C4orf51: variants seen among roughly 807,000 people sequenced by gnomAD.
The protein encoded by C4orf51 is uncharacterized protein C4orf51.
A neutral mutation model predicts 25.2 loss-of-function variants in C4orf51; 25 were observed. That is an observed-to-expected ratio of 0.99 (90% CI 0.72 to 1.39). The LOEUF is 1.39. C4orf51 is among the 40% of genes most tolerant of loss of function. The pLI is 0.00. For missense variants in C4orf51, 252 were observed against 239.6 expected, an observed-to-expected ratio of 1.05 and a Z score of -0.34; for synonymous variants, 100 against 84.5, an observed-to-expected ratio of 1.18 and a Z score of -1.01.
At chr4:145,691,441 G>T (rs1333319009) in intron 1 of C4orf51, among the ~76,000 whole-genome samples, 2 of 152,214 alleles carry the variant, frequency 1.3e-5, no homozygotes, top group East Asian at 3.9e-4. Flanking sequence ...CTTATTACTG[G>T]GTATATATCC....
intron 1 of C4orf51, among the ~76,000 whole-genome samples, chr4:145,693,674 C>CA (rs1173648739): frequency 9.7e-6 from 1 of 103,448 alleles, no homozygotes; most frequent in Admixed American, 9.7e-5. Context: ...TGACCCCCCC[C>CA]ACCTCCCTCC....
chr4:145,704,494 G>T (rs566719957), intron 2 of C4orf51, among the ~76,000 whole-genome samples: 2 of 152,222 alleles, frequency 1.3e-5, no homozygotes, highest in South Asian at 2.1e-4. Flanking sequence ...TTTCCCTATT[G>T]TGTATTCTTG....
chr4:145,683,200 T>C (rs944424285), intron 1 of C4orf51, among the ~76,000 whole-genome samples: 1 of 152,008 alleles, frequency 6.6e-6, no homozygotes, highest in South Asian at 2.1e-4. Context: ...TAACAAAATA[T>C]GTACAAGGTC....
At position 145,761,710 on chromosome 4, in the gene C4orf51, G is replaced by A. The variant is rs1579063512; in HGVS notation, n.167-9278G>A. The A allele has an allele frequency of 1.5e-6, 1 of 652,452 alleles. No individual in the cohort carries two copies. The highest frequency in any genetic ancestry group is 6.8e-5 in the East Asian group (1 of 14,658). The allele number at this position is 652,452 out of a possible 1,614,324, so 40.4% of individuals were successfully genotyped here. A position where few individuals can be genotyped will look rare whatever the true frequency, so the allele number is the denominator to read the frequency against. On this transcript the variant is annotated intron_variant and non_coding_transcript_variant, in intron 1 of 1. Coordinates refer to the C4orf51 transcript ENST00000510096. This position sits in a 1 kb window ranked among gnomAD's most constrained non-coding sequence, Gnocchi z 6.8. ...CACCACCCCCCAGTGTCTGAGGCCT[G>A]GCCTGCCCAGCCCAGCCCAGCCCTG... is the stretch of plus-strand genomic sequence containing the variant.
At chr4:145,737,772 A>G (rs1009294321), downstream of C4orf51, among the ~76,000 whole-genome samples, 2 of 152,242 alleles carry the variant, frequency 1.3e-5, no homozygotes, top group African/African-American at 4.8e-5. Flanking sequence ...TCCTTCGTAG[A>G]TAATCCTCTG....
chr4:145,732,494 T>C lies in C4orf51; in HGVS notation c.543T>C (p.Ser181=), dbSNP rs376283591. Residue 181 remains serine (S), a synonymous_variant, in exon 6 of 6, where the codon TCT becomes TCC. Transcript: ENST00000438731. ...RCDSESKVCS[S]EDSEADRYSD... ...ATTCTGAAAGCAAGGTTTGCTCATC[T>C]GAGGATTCAGAAGCTGATCGATACT... 283 of 1,611,496 alleles carry C rather than the reference T, an allele frequency of 1.8e-4. 1 individual carries two copies. In the African/African-American group the frequency reaches 3.2e-3, roughly 18 times the overall value.
At chr4:145,744,093 C>G (rs1733236377) in intron 1 of C4orf51, among the ~76,000 whole-genome samples, 1 of 152,036 alleles carries the variant, frequency 6.6e-6, no homozygotes, top group Non-Finnish European at 1.5e-5. Flanking sequence ...TATTTCCATT[C>G]CTTATCAGCT....
chr4:145,757,684 A>G (rs899164094), downstream of C4orf51: 1 of 151,946 alleles, frequency 6.6e-6, no homozygotes, highest in Admixed American at 6.6e-5. Context: ...AACTGGATAC[A>G]CTAGAAATTG....
At chr4:145,686,498 C>T (rs1272837567) in intron 1 of C4orf51, among the ~76,000 whole-genome samples, 3 of 152,112 alleles carry the variant, frequency 2.0e-5, no homozygotes, top group Non-Finnish European at 4.4e-5. Context: ...CCTGTATATC[C>T]ATCCCTCTGT....
chr4:145,759,987 C>A (rs1374703922), intron 1 of C4orf51: 2 of 152,242 alleles, frequency 1.3e-5, no homozygotes, highest in African/African-American at 4.8e-5. Flanking sequence ...ACACAAAACA[C>A]ACTTAAGTTC....
At position 145,764,477 on chromosome 4, in the gene C4orf51, T is replaced by G. The variant is rs1469624238; in HGVS notation, n.167-6511T>G. Among the ~76,000 whole-genome samples the G allele has an allele frequency of 2.6e-5, 4 of 152,224 alleles. No individual in the cohort carries two copies. In the East Asian group the frequency reaches 5.8e-4, roughly 22 times the overall value. On this transcript the variant is annotated intron_variant and non_coding_transcript_variant, in intron 1 of 1. Transcript: ENST00000510096. ...TCTTGGGAAGAAGACATCAGTATGTTTGCAGGAGGATCATGAAGCACATGA... is the reference window on the plus strand; with the variant it reads ...TCTTGGGAAGAAGACATCAGTATGTGTGCAGGAGGATCATGAAGCACATGA...
chr4:145,684,179 G>A (rs1728999116), intron 1 of C4orf51, among the ~76,000 whole-genome samples: 2 of 152,196 alleles, frequency 1.3e-5, no homozygotes, highest in East Asian at 3.9e-4. Flanking sequence ...TGGCAAATAA[G>A]CATGTAAAAA....
At chr4:145,767,958 T>A (rs1459450197) in intron 1 of C4orf51, among the ~76,000 whole-genome samples, 1 of 152,222 alleles carries the variant, frequency 6.6e-6, no homozygotes, top group African/African-American at 2.4e-5. Flanking sequence ...TCATAATTTT[T>A]AAATTATTGA....
chr4:145,776,518 T>A, the C4orf51 span, among the ~76,000 whole-genome samples: 273 of 152,142 alleles, frequency 1.8e-3, no homozygotes, highest in African/African-American at 6.3e-3. Context: ...ACCTGCTTTT[T>A]TTTTCCTGGA....
chr4:145,774,467 T>C (rs772964750), downstream of C4orf51: 10 of 1,584,896 alleles, frequency 6.3e-6, no homozygotes, highest in East Asian at 2.0e-4. Flanking sequence ...GTGCAGGGGA[T>C]GGAGAAGGAG....
Position 145,696,579 on chromosome 4 carries a change from C to T in C4orf51, c.254C>T (p.Ser85Phe). The change falls in exon 2 of 6, where the codon TCT (serine) becomes TTT (phenylalanine). Residue 85 changes from serine (S) to phenylalanine (F), a missense_variant. Coordinates refer to ENST00000438731, the MANE Select transcript of C4orf51 (RefSeq NM_001080531.3). The part of the protein sequence containing the change: ...ECKQMSLTNS[S>F]ACHLLCWAGT... ...CTTAGGATGTCATTGACAAACAGTT[C>T]TGCCTGTCATCTTCTCTGCTGGGCT... 1 of 1,613,650 alleles carries T rather than the reference C, an allele frequency of 6.2e-7. No homozygotes were observed. The highest frequency in any genetic ancestry group is 8.5e-7 in the Non-Finnish European group (1 of 1,179,636).
chr4:145,732,697 G>C lies in C4orf51; in HGVS notation c.*137G>C. On this transcript the variant is annotated 3_prime_UTR_variant, in exon 6 of 6. Coordinates refer to ENST00000438731, the MANE Select transcript of C4orf51 (RefSeq NM_001080531.3). ...GGACCCTGGCAGGTTGGCTTTCTGG[G>C]ACAATTCCATGGGCTTCATTTATCA... 4 of 548,354 alleles carry C rather than the reference G, an allele frequency of 7.3e-6. No homozygotes were observed. The highest frequency in any genetic ancestry group is 1.3e-5 in the Non-Finnish European group (4 of 307,542). 34.0% of individuals were successfully genotyped at this position (548,354 alleles called of 1,614,324 possible).
intron 1 of C4orf51, among the ~76,000 whole-genome samples, chr4:145,682,856 G>T (rs534813671): frequency 6.6e-6 from 1 of 152,098 alleles, no homozygotes; most frequent in Non-Finnish European, 1.5e-5. Flanking sequence ...AGACAGGAAC[G>T]TGGCTCAAGT....
intron 2 of C4orf51, among the ~76,000 whole-genome samples, chr4:145,702,984 C>T (rs187453394): frequency 5.3e-5 from 8 of 151,490 alleles, no homozygotes; most frequent in African/African-American, 1.5e-4. Context: ...ACCACCCCCC[C>T]AAAATTTTCG....
Sources: allele counts gnomAD v4.1 joint callset (sites outside exome capture counted in the v4.1 genomes callset), GRCh38; gene constraint gnomAD v4.1.1; non-coding constraint Gnocchi (gnomAD v3.1); transcripts MANE v1.5; gene names NCBI Gene and HGNC (gene_info 2026-07-23, HGNC 2026-07-21).